TAOK3: variants seen among roughly 807,000 people sequenced by gnomAD.
TAOK3 encodes the protein serine/threonine-protein kinase TAO3.
TAOK3 carries 40 observed loss-of-function variants against 120.4 expected under a neutral mutation model. That is an observed-to-expected ratio of 0.33 (90% CI 0.26 to 0.43). The LOEUF (loss-of-function observed/expected upper bound fraction) is 0.43. Among genes scored for constraint, TAOK3 ranks in the 20% least tolerant of loss-of-function variants. The probability of loss-of-function intolerance (pLI) is 1.00; values close to 1 mark genes in which losing one functional copy is unlikely to be tolerated. For missense variants in TAOK3, 821 were observed against 1,112.1 expected (o/e 0.74, Z 3.72); for synonymous variants, 355 against 387.5 (o/e 0.92, Z 0.99).
At chr12:118,239,475 A>G (rs2139933893) in intron 5 of TAOK3, among the ~76,000 whole-genome samples, 1 of 152,266 alleles carries the variant, frequency 6.6e-6, no homozygotes, top group South Asian at 2.1e-4. Context: ...TCTTGTTTGA[A>G]ATTGGCCTAA....
chr12:118,329,063 T>G (rs1307719797), intron 1 of TAOK3, among the ~76,000 whole-genome samples: 1 of 152,166 alleles, frequency 6.6e-6, no homozygotes, highest in Non-Finnish European at 1.5e-5. Flanking sequence ...TAAAGGGTAT[T>G]TAACCCAGTC....
intron 19 of TAOK3, among the ~76,000 whole-genome samples, chr12:118,155,920 A>C (rs1365204038): frequency 3.3e-5 from 5 of 152,010 alleles, no homozygotes; most frequent in Admixed American, 6.6e-5. Flanking sequence ...TATTTTTTGT[A>C]AAGACAGGGT....
chr12:118,186,199 A>G (rs1388042873), intron 14 of TAOK3, among the ~76,000 whole-genome samples: 1 of 152,182 alleles, frequency 6.6e-6, no homozygotes, highest in African/African-American at 2.4e-5. Context: ...CTTTTCTCCT[A>G]CATGCCTCCT....
At chr12:118,319,421 AT>A (rs1161762413) in intron 1 of TAOK3, among the ~76,000 whole-genome samples, 2 of 150,938 alleles carry the variant, frequency 1.3e-5, no homozygotes, top group Non-Finnish European at 3.0e-5. Flanking sequence ...ATAATCTAAA[AT>A]TGTTTTATTA....
At chr12:118,212,281 TAA>T (rs1433017828) in intron 11 of TAOK3, among the ~76,000 whole-genome samples, 2 of 152,128 alleles carry the variant, frequency 1.3e-5, no homozygotes, top group Admixed American at 1.3e-4. Context: ...GTGCGCCAAA[TAA>T]AAGAAAACAC....
At chr12:118,355,914 T>C (rs922924414) in intron 1 of TAOK3, among the ~76,000 whole-genome samples, 1 of 152,222 alleles carries the variant, frequency 6.6e-6, no homozygotes, top group African/African-American at 2.4e-5. Flanking sequence ...AAGGGATTTG[T>C]GCAAAGTCAC....
chr12:118,265,939 T>C (rs2041428782), intron 2 of TAOK3, among the ~76,000 whole-genome samples: 1 of 152,180 alleles, frequency 6.6e-6, no homozygotes, highest in Non-Finnish European at 1.5e-5. Flanking sequence ...TTTTCTAAAA[T>C]CATATTTTGC....
intron 1 of TAOK3, among the ~76,000 whole-genome samples, chr12:118,357,209 T>TA (rs1223884370): frequency 2.0e-5 from 3 of 152,224 alleles, no homozygotes; most frequent in African/African-American, 7.2e-5. Flanking sequence ...AATCTCAATT[T>TA]CAAGCTAAAC....
At chr12:118,335,688 C>G (rs1319466198) in intron 1 of TAOK3, among the ~76,000 whole-genome samples, 1 of 151,908 alleles carries the variant, frequency 6.6e-6, no homozygotes, top group Non-Finnish European at 1.5e-5. Context: ...AAAAATTACC[C>G]GGGCGTGGTG....
chr12:118,329,836 A>G (rs1401948703), intron 1 of TAOK3, among the ~76,000 whole-genome samples: 1 of 152,178 alleles, frequency 6.6e-6, no homozygotes, highest in Non-Finnish European at 1.5e-5. Context: ...TTGCATAAAG[A>G]TTTGTATATA....
chr12:118,246,207 C>T lies in TAOK3; in HGVS notation c.121-1242G>A, dbSNP rs1334472065. On this transcript the variant is annotated intron_variant, in intron 3 of 20. Coordinates refer to ENST00000392533, the MANE Select transcript of TAOK3 (RefSeq NM_016281.4). ...CCGGGGCCGGGGTCGCGGCCGTGGA[C>T]GGGGCCGGGGCCGAGGCCGCGGAGC... 53 of 1,431,508 alleles carry T rather than the reference C, an allele frequency of 3.7e-5. No individual in the cohort carries two copies. In the South Asian group the frequency reaches 5.0e-4, roughly 14 times the overall value. 88.7% of individuals were successfully genotyped at this position (1,431,508 alleles called of 1,614,324 possible). A position where few individuals can be genotyped will look rare whatever the true frequency, so the allele number is the denominator to read the frequency against.
rs192018604 is a variant in TAOK3, at chr12:118,197,877, C to T, written c.1194+1174G>A. Among the ~76,000 whole-genome samples the T allele has an allele frequency of 1.4e-3, 214 of 151,838 alleles. 2 individuals carry two copies. The highest frequency in any genetic ancestry group is 2.5e-3 in the Non-Finnish European group (170 of 67,910). On this transcript the variant is annotated intron_variant, in intron 13 of 20. Coordinates refer to ENST00000392533, the MANE Select transcript of TAOK3 (RefSeq NM_016281.4). Reference sequence around the variant, plus strand: ...TAATTTTTTGTATTTTTAGTAGAGACGGGGTTTCACCATGTTAGCCGGGAT... The same window carrying T: ...TAATTTTTTGTATTTTTAGTAGAGATGGGGTTTCACCATGTTAGCCGGGAT...
chr12:118,191,062 A>G (rs2037407627), intron 13 of TAOK3, among the ~76,000 whole-genome samples: 1 of 152,220 alleles, frequency 6.6e-6, no homozygotes, highest in African/African-American at 2.4e-5. Flanking sequence ...CATTTTATCC[A>G]TGACCACTTG....
chr12:118,225,489 G>T (rs191156654), intron 9 of TAOK3, among the ~76,000 whole-genome samples: 44 of 151,890 alleles, frequency 2.9e-4, no homozygotes, highest in Middle Eastern at 6.8e-3. Flanking sequence ...AGAGATACTT[G>T]TATGACTTAT....
chr12:118,287,675 C>T (rs1217755634), intron 1 of TAOK3, among the ~76,000 whole-genome samples: 1 of 152,128 alleles, frequency 6.6e-6, no homozygotes, highest in African/African-American at 2.4e-5. Context: ...TTCTAAGTTT[C>T]ATTTCAACTC....
chr12:118,370,782 C>G (rs912566491), intron 1 of TAOK3, among the ~76,000 whole-genome samples: 2 of 152,108 alleles, frequency 1.3e-5, no homozygotes, highest in Non-Finnish European at 2.9e-5. Context: ...GAGGCTGTCC[C>G]CCAACTCCCA....
At chr12:118,350,104 C>T (rs2045068117) in intron 1 of TAOK3, among the ~76,000 whole-genome samples, 2 of 152,148 alleles carry the variant, frequency 1.3e-5, no homozygotes, top group Non-Finnish European at 2.9e-5. Flanking sequence ...ATTGAATAGC[C>T]CATAACTTCA....
chr12:118,325,671 CTCTT>C (rs572718096), intron 1 of TAOK3, among the ~76,000 whole-genome samples: 96 of 151,980 alleles, frequency 6.3e-4, no homozygotes, highest in African/African-American at 2.1e-3. Flanking sequence ...TGTGGGTTGT[CTCTT>C]TATTTATTTA....
intron 11 of TAOK3, among the ~76,000 whole-genome samples, chr12:118,202,487 G>T (rs1213778182): frequency 2.6e-5 from 4 of 152,028 alleles, no homozygotes; most frequent in Non-Finnish European, 5.9e-5. Flanking sequence ...CCCACCAACA[G>T]TATATAAGGA....
Sources: gnomAD v4.1 joint callset for allele counts (sites outside exome capture counted in the v4.1 genomes callset) on GRCh38, gnomAD v4.1.1 for gene constraint, MANE v1.5 for transcripts, NCBI Gene and HGNC (gene_info 2026-07-23, HGNC 2026-07-21) for gene names.